AGXT2: variants seen among roughly 807,000 people sequenced by gnomAD.
The protein encoded by AGXT2 is alanine--glyoxylate aminotransferase 2, mitochondrial.
A neutral mutation model predicts 62.5 loss-of-function variants in AGXT2; 61 were observed. That is an observed-to-expected ratio of 0.98 (90% confidence interval 0.79 to 1.21). AGXT2 has a LOEUF of 1.21. AGXT2 is among the 50% of genes most tolerant of loss of function. The pLI, the probability that AGXT2 is intolerant of heterozygous loss-of-function variation, is 0.00. For missense variants in AGXT2, 666 were observed against 641.5 expected (o/e 1.04, Z -0.41); for synonymous variants, 243 against 218.7 (o/e 1.11, Z -0.98).
Position 35,012,969 on chromosome 5 carries a change from T to C in AGXT2, c.1173A>G (p.Gly391=), listed in dbSNP as rs1195703849. 6.4e-7 allele frequency: 1 copy of C among 1,551,694 alleles called. No homozygotes were observed. Among genetic ancestry groups the C allele is most frequent in the Non-Finnish European group, 8.7e-7 (1 of 1,146,982 alleles). Residue 391 remains glycine, a synonymous_variant, in exon 11 of 14, where the codon GGA becomes GGG. Coordinates refer to ENST00000231420, the MANE Select transcript of AGXT2 (RefSeq NM_031900.4). ...FGGNPMACAI[G]SAVLEVIKEE... The stretch of plus-strand genomic sequence containing the variant: ...TGGAACCAACCTCAAGCACAGCAGA[T>C]CCAATGGCACAGGCCATGGGGTTCC...
In AGXT2 at chr5:35,039,463, A is replaced by G. The variant is rs201897961; in HGVS notation, c.223T>C (p.Ser75Pro). 82 of 1,614,074 alleles carry G rather than the reference A, an allele frequency of 5.1e-5. 1 individual carries two copies. The East Asian group carries it at 1.8e-3, about 35-fold the overall frequency. The change falls in exon 3 of 14, where the codon TCT (serine) becomes CCT (proline). Residue 75 changes from serine (S) to proline (P), a missense_variant. Transcript: ENST00000231420. ...RVLEIHKEHLSPVVTAYFQKP... is the reference protein window; with the variant it reads ...RVLEIHKEHLPPVVTAYFQKP... Reference sequence around the variant, plus strand: ...TGGAAATATGCCGTCACCACAGGAGAAAGATGTTCCTTGTGGATTTCCAGG... The same window carrying G: ...TGGAAATATGCCGTCACCACAGGAGGAAGATGTTCCTTGTGGATTTCCAGG...
intron 4 of AGXT2, among the ~76,000 whole-genome samples, chr5:35,035,783 A>AC (rs1455932446): frequency 6.6e-6 from 1 of 152,294 alleles, no homozygotes; most frequent in African/African-American, 2.4e-5. Context: ...ATGTTGAAAA[A>AC]ACAAGTAAAC....
chr5:35,019,684 CA>C (rs1766992129), intron 9 of AGXT2, among the ~76,000 whole-genome samples: 1 of 152,158 alleles, frequency 6.6e-6, no homozygotes. Flanking sequence ...CAAGAGAAAA[CA>C]CATTCAAAAG....
At chr5:35,041,684 T>C (rs1295949455) in intron 1 of AGXT2, among the ~76,000 whole-genome samples, 1 of 152,220 alleles carries the variant, frequency 6.6e-6, no homozygotes, top group Non-Finnish European at 1.5e-5. Context: ...AAATTATGTC[T>C]CTTTCTCAGC....
At chr5:35,005,310 C>G (rs1012358557) in intron 12 of AGXT2, among the ~76,000 whole-genome samples, 1 of 152,156 alleles carries the variant, frequency 6.6e-6, no homozygotes, top group African/African-American at 2.4e-5. Flanking sequence ...CTCACTGCAA[C>G]CTCTGCCTCC....
intron 9 of AGXT2, among the ~76,000 whole-genome samples, chr5:35,024,942 C>T (rs1021121954): frequency 6.6e-6 from 1 of 152,052 alleles, no homozygotes; most frequent in Non-Finnish European, 1.5e-5. Flanking sequence ...TGCACTCCAG[C>T]CTGGGCAACA....
intron 9 of AGXT2, among the ~76,000 whole-genome samples, chr5:35,023,272 C>G (rs1426691445): frequency 6.6e-6 from 1 of 151,642 alleles, no homozygotes; most frequent in Admixed American, 6.6e-5. Flanking sequence ...AGGACTAATA[C>G]GTGGGAACAG....
At chr5:35,019,806 C>T (rs1008368987) in intron 9 of AGXT2, among the ~76,000 whole-genome samples, 1 of 151,704 alleles carries the variant, frequency 6.6e-6, no homozygotes, top group African/African-American at 2.4e-5. Flanking sequence ...AAAGGATCAA[C>T]AAAATTGATA....
intron 9 of AGXT2, among the ~76,000 whole-genome samples, chr5:35,020,402 T>G (rs1767023174): frequency 6.6e-6 from 1 of 152,208 alleles, no homozygotes; most frequent in African/African-American, 2.4e-5. Context: ...ATCCCTGGGA[T>G]GCAAGGCTGG....
At chr5:35,011,587 T>A (rs1766642749) in intron 11 of AGXT2, among the ~76,000 whole-genome samples, 1 of 152,152 alleles carries the variant, frequency 6.6e-6, no homozygotes, top group Non-Finnish European at 1.5e-5. Context: ...AAAGGCAGTG[T>A]TTTCTTATTT....
At position 35,004,013 on chromosome 5, in the gene AGXT2, A is replaced by G. The variant is rs956335522; in HGVS notation, c.1339-152T>C. The G allele has an allele frequency of 3.0e-5, 20 of 675,344 alleles. No homozygotes were observed. The African/African-American group carries it at 3.1e-4, about 10-fold the overall frequency. 41.8% of individuals were successfully genotyped at this position (675,344 alleles called of 1,614,324 possible). A position where few individuals can be genotyped will look rare whatever the true frequency, so the allele number is the denominator to read the frequency against. ...TCTCTCTGTCCTCTCCTTCCCCTGT[A>G]ATTAAATGAAGCTGCTAATTGCTGA... On this transcript the variant is annotated intron_variant, in intron 12 of 13. Coordinates refer to ENST00000231420, the MANE Select transcript of AGXT2 (RefSeq NM_031900.4).
At chr5:35,041,365 A>G (rs1231854839) in intron 1 of AGXT2, among the ~76,000 whole-genome samples, 2 of 151,984 alleles carry the variant, frequency 1.3e-5, no homozygotes, top group Non-Finnish European at 2.9e-5. Context: ...CTTTATAGAT[A>G]AGGAAACCAG....
intron 11 of AGXT2, among the ~76,000 whole-genome samples, chr5:35,010,726 G>A (rs892989044): frequency 6.6e-6 from 1 of 152,112 alleles, no homozygotes; most frequent in Non-Finnish European, 1.5e-5. Context: ...ATAAAGGTGT[G>A]TCTCAATGCA....
chr5:35,028,407 C>G lies in AGXT2; in HGVS notation c.770-1897G>C, dbSNP rs75092165. ...CTGCCATGCTTCACTAGCTGCAAGCCTCACCACACAGACACACAGGCATGA... is the reference window on the plus strand; with the variant it reads ...CTGCCATGCTTCACTAGCTGCAAGCGTCACCACACAGACACACAGGCATGA... On this transcript the variant is annotated intron_variant, in intron 7 of 13. Coordinates refer to ENST00000231420, the MANE Select transcript of AGXT2 (RefSeq NM_031900.4). Among the ~76,000 whole-genome samples the G allele has an allele frequency of 4.7e-3, 708 of 152,154 alleles. 3 individuals are homozygous for G. The highest frequency in any genetic ancestry group is 7.4e-3 in the Non-Finnish European group (505 of 68,002).
intron 6 of AGXT2, 185 bp downstream of exon 6, chr5:35,033,275 C>A: frequency 1.6e-6 from 1 of 611,254 alleles, no homozygotes; most frequent in East Asian, 2.9e-5. Flanking sequence ...TTAATTATTA[C>A]TCAGACTCGG....
intron 13 of AGXT2, among the ~76,000 whole-genome samples, chr5:35,002,342 T>C (rs781236522): frequency 2.6e-5 from 4 of 152,092 alleles, no homozygotes; most frequent in Non-Finnish European, 5.9e-5. Context: ...CAAGAAAACA[T>C]GGGGGTTTCC....
chr5:35,010,002 T>C lies in AGXT2; in HGVS notation c.1336A>G (p.Lys446Glu). Reference sequence around the variant, plus strand: ...GAGAGGGGCAGATTAGCACCTACCTTATCCTGCACCATTTCTATGCCTATC... The same window carrying C: ...GAGAGGGGCAGATTAGCACCTACCTCATCCTGCACCATTTCTATGCCTATC... ...LMIGIEMVQD[K>E]ISCRPLPREE... Residue 446 changes from lysine (K) to glutamate (E), a missense_variant and splice_region_variant, in exon 12 of 14, where the codon AAG becomes GAG. Coordinates refer to ENST00000231420, the MANE Select transcript of AGXT2 (RefSeq NM_031900.4). The C allele has an allele frequency of 6.2e-7, 1 of 1,614,216 alleles. No individual in the cohort carries two copies. The highest frequency in any genetic ancestry group is 8.5e-7 in the Non-Finnish European group (1 of 1,180,040).
chr5:35,016,217 T>C (rs1014976443), intron 9 of AGXT2, among the ~76,000 whole-genome samples: 1 of 152,206 alleles, frequency 6.6e-6, no homozygotes, highest in Non-Finnish European at 1.5e-5. Context: ...ATCAGATTGC[T>C]TGGACAATGT....
chr5:35,025,481 A>C (rs927841776), intron 9 of AGXT2, among the ~76,000 whole-genome samples: 8 of 152,246 alleles, frequency 5.3e-5, no homozygotes, highest in Admixed American at 2.0e-4. Context: ...AATTAAAAAA[A>C]TATATTGAGT....
Sources: gnomAD v4.1 joint callset for allele counts (sites outside exome capture counted in the v4.1 genomes callset) on GRCh38, gnomAD v4.1.1 for gene constraint, MANE v1.5 for transcripts, NCBI Gene and HGNC (gene_info 2026-07-23, HGNC 2026-07-21) for gene names.